The following LAMA2 variants were observed in gnomAD, a reference collection of about 807,000 sequenced individuals.
LAMA2 encodes the protein laminin subunit alpha-2.
LAMA2 carries 269 observed loss-of-function variants against 364.8 expected under a neutral mutation model. That is an observed-to-expected ratio of 0.74 (90% CI 0.67 to 0.82). The LOEUF (loss-of-function observed/expected upper bound fraction) is 0.82. Ranked by LOEUF, LAMA2 falls within the 40% of genes least tolerant of loss-of-function variation. The pLI is 0.00. For missense variants in LAMA2, 3,807 were observed against 3,873.2 expected, an observed-to-expected ratio of 0.98 and a Z score of 0.45; for synonymous variants, 1,379 against 1,370.6, an observed-to-expected ratio of 1.01 and a Z score of -0.14.
At chr6:128,967,413 G>A (rs1482442319) in intron 1 of LAMA2, among the ~76,000 whole-genome samples, 2 of 152,148 alleles carry the variant, frequency 1.3e-5, no homozygotes, top group African/African-American at 4.8e-5. Flanking sequence ...CAAAATATTT[G>A]TGCCAGGCAC....
intron 12 of LAMA2, among the ~76,000 whole-genome samples, chr6:129,227,826 G>T (rs1784413416): frequency 6.6e-6 from 1 of 152,164 alleles, no homozygotes; most frequent in Non-Finnish European, 1.5e-5. Context: ...CAAACTCCAT[G>T]CTGGGAGAAC....
intron 1 of LAMA2, among the ~76,000 whole-genome samples, chr6:128,908,493 AT>A (rs1479560729): frequency 3.1e-4 from 45 of 147,498 alleles, no homozygotes; most frequent in African/African-American, 1.1e-3. Context: ...CCCCTTTATC[AT>A]TTTTTATTGC....
intron 34 of LAMA2, among the ~76,000 whole-genome samples, chr6:129,375,792 C>T (rs1298391229): frequency 1.3e-5 from 2 of 152,156 alleles, no homozygotes; most frequent in African/African-American, 4.8e-5. Flanking sequence ...TGCTTTGGTC[C>T]TATGTGCCTT....
intron 8 of LAMA2, among the ~76,000 whole-genome samples, chr6:129,162,482 C>T (rs1779497819): frequency 6.6e-6 from 1 of 151,846 alleles, no homozygotes. Flanking sequence ...TAGTGCAGAG[C>T]TGCTGGTGAC....
chr6:129,167,023 T>A (rs1451657406), intron 9 of LAMA2, among the ~76,000 whole-genome samples: 2 of 152,208 alleles, frequency 1.3e-5, no homozygotes, highest in Non-Finnish European at 2.9e-5. Flanking sequence ...TAATTACTTT[T>A]CAATTATTGT....
At chr6:128,957,685 CACT>C (rs2114584329) in intron 1 of LAMA2, among the ~76,000 whole-genome samples, 1 of 46,934 alleles carries the variant, frequency 2.1e-5, no homozygotes, top group East Asian at 6.3e-4. Context: ...GCCAGTGTTT[CACT>C]GATGATCTTG....
intron 1 of LAMA2, among the ~76,000 whole-genome samples, chr6:128,903,143 G>A (rs1361754937): frequency 6.6e-6 from 1 of 151,606 alleles, no homozygotes; most frequent in Non-Finnish European, 1.5e-5. Context: ...GTTTATTTGA[G>A]GGATATAGGA....
chr6:129,262,772 GC>G (rs1456875588), intron 15 of LAMA2, among the ~76,000 whole-genome samples: 16 of 151,994 alleles, frequency 1.1e-4, no homozygotes, highest in Admixed American at 8.5e-4. Context: ...AGTCATTCTA[GC>G]CTTGTTATCA....
At chr6:129,311,245 A>C (rs558691229) in intron 22 of LAMA2, among the ~76,000 whole-genome samples, 45 of 151,902 alleles carry the variant, frequency 3.0e-4, no homozygotes, top group African/African-American at 8.9e-4. Context: ...CCTCAGCCTC[A>C]GGAGTAGCTG....
chr6:129,502,429 T>C (rs1350822865), intron 58 of LAMA2, among the ~76,000 whole-genome samples: 2 of 152,220 alleles, frequency 1.3e-5, no homozygotes, highest in East Asian at 1.9e-4. Flanking sequence ...TCAATAAATA[T>C]GTCTGAGCAC....
intron 54 of LAMA2, among the ~76,000 whole-genome samples, chr6:129,479,251 A>G (rs976583481): frequency 1.3e-5 from 2 of 152,208 alleles, no homozygotes; most frequent in Non-Finnish European, 2.9e-5. Flanking sequence ...ATTAGTGCAT[A>G]GTCTGTTGTC....
chr6:129,371,246 GATGT>G (rs1562501565), intron 34 of LAMA2, among the ~76,000 whole-genome samples: 6 of 93,550 alleles, frequency 6.4e-5, no homozygotes, highest in South Asian at 4.4e-4. Flanking sequence ...AGAACTTTGA[GATGT>G]GTGTGTGTGT....
Position 129,369,999 on chromosome 6 carries a change from G to T in LAMA2, c.4959+9G>T, listed in dbSNP as rs951929088. ...ACGAGCTGCTGACCAGGGTAAGGTGGCAAAATTATGAATCTTCTGAAAGCA... is the reference window on the plus strand; with the variant it reads ...ACGAGCTGCTGACCAGGGTAAGGTGTCAAAATTATGAATCTTCTGAAAGCA... On this transcript the variant is annotated intron_variant, in intron 34 of 64. Coordinates refer to ENST00000421865, the MANE Select transcript of LAMA2 (RefSeq NM_000426.4). 6.2e-7 allele frequency: 1 copy of T among 1,607,272 alleles called. No homozygotes were observed. Among genetic ancestry groups the T allele is most frequent in the Middle Eastern group, 1.7e-4 (1 of 6,044 alleles).
chr6:129,226,546 G>A (rs1238728616), intron 12 of LAMA2, among the ~76,000 whole-genome samples: 8 of 151,836 alleles, frequency 5.3e-5, no homozygotes, highest in Admixed American at 3.3e-4. Flanking sequence ...AAATCTCTCA[G>A]CATTTGCTTG....
At chr6:129,013,436 CA>C (rs570882162) in intron 1 of LAMA2, among the ~76,000 whole-genome samples, 77 of 137,478 alleles carry the variant, frequency 5.6e-4, no homozygotes, top group Non-Finnish European at 4.5e-4. Flanking sequence ...GACTCCATCT[CA>C]AAAAAAAAAA....
intron 50 of LAMA2, 28 bp from the exon 51 acceptor site, chr6:129,465,117 C>A: frequency 1.3e-6 from 2 of 1,585,540 alleles, no homozygotes; most frequent in Non-Finnish European, 1.7e-6. Context: ...TGTATCTAAC[C>A]ACTGGGGTAT....
intron 1 of LAMA2, among the ~76,000 whole-genome samples, chr6:128,977,068 CT>C (rs1782572807): frequency 6.6e-6 from 1 of 151,996 alleles, no homozygotes; most frequent in South Asian, 2.1e-4. Flanking sequence ...CTTATCTGGC[CT>C]TTTTTCCTAT....
chr6:129,359,971 AG>A (rs2114607326), intron 32 of LAMA2, among the ~76,000 whole-genome samples: 1 of 152,278 alleles, frequency 6.6e-6, no homozygotes. Flanking sequence ...ATCTGAATTT[AG>A]TACTGTGTTT....
chr6:129,248,123 C>G (rs1260083962), intron 12 of LAMA2, among the ~76,000 whole-genome samples: 1 of 152,158 alleles, frequency 6.6e-6, no homozygotes, highest in East Asian at 1.9e-4. Context: ...CTCACAGGAG[C>G]AGGAACCTTA....
Sources: allele counts gnomAD v4.1 joint callset (sites outside exome capture counted in the v4.1 genomes callset), GRCh38; gene constraint gnomAD v4.1.1; transcripts MANE v1.5; gene names NCBI Gene and HGNC (gene_info 2026-07-23, HGNC 2026-07-21).